KCNAB2: variants seen among roughly 807,000 people sequenced by gnomAD.
KCNAB2 encodes potassium voltage-gated channel subfamily A regulatory beta subunit 2.
Under a neutral mutation model 63.6 loss-of-function variants are expected in KCNAB2, and 29 were observed. The ratio of observed to expected loss-of-function variants is 0.46; its 90% CI spans 0.34 to 0.62. KCNAB2 has a LOEUF of 0.62. Among genes scored for constraint, KCNAB2 ranks in the 20% least tolerant of loss-of-function variants. The pLI, the probability that KCNAB2 is intolerant of heterozygous loss-of-function variation, is 0.01. For synonymous variants in KCNAB2, 222 were observed against 224.2 expected, an observed-to-expected ratio of 0.99 and a Z score of 0.09; for missense variants, 359 against 563.9, an observed-to-expected ratio of 0.64 and a Z score of 3.68.
intron 10 of KCNAB2, among the ~76,000 whole-genome samples, chr1:6,092,025 G>A (rs946203022): frequency 3.9e-5 from 6 of 152,322 alleles, no homozygotes; most frequent in Middle Eastern, 3.4e-3. Context: ...GGCAGGTGTC[G>A]ATCTCCCTGG....
chr1:6,091,204 G>T, intron 9 of KCNAB2, 59 bp from the exon 10 acceptor site: 1 of 1,281,196 alleles, frequency 7.8e-7, no homozygotes, highest in Non-Finnish European at 1.1e-6. Flanking sequence ...GTCGTGCCAC[G>T]CCTCTCAGTG....
intron 14 of KCNAB2, 28 bp from the exon 15 acceptor site, chr1:6,097,241 T>C (rs1171793317): frequency 6.6e-7 from 1 of 1,519,406 alleles, no homozygotes; most frequent in Admixed American, 2.0e-5. Context: ...TGGGTGTTTC[T>C]CCCTCACCTT....
intron 1 of KCNAB2, among the ~76,000 whole-genome samples, chr1:6,002,989 G>A (rs984565325): frequency 9.9e-5 from 15 of 151,408 alleles, no homozygotes; most frequent in African/African-American, 2.7e-4. Context: ...TCTGTGTCCC[G>A]GGTGAGAACA....
At chr1:6,025,914 CAGCCGA>C (rs1659133165) in intron 1 of KCNAB2, 3 of 151,916 alleles carry the variant, frequency 2.0e-5, no homozygotes, top group Non-Finnish European at 4.5e-5. Flanking sequence ...TCCCGGCACA[CAGCCGA>C]TCCCGGCACA....
rs977784162 is a variant in KCNAB2, at chr1:6,071,713, C to T, written c.219-1042C>T. Among the ~76,000 whole-genome samples the T allele has an allele frequency of 1.3e-5, 2 of 151,876 alleles. No individual in the cohort carries two copies. The highest frequency in any genetic ancestry group is 4.8e-5 in the African/African-American group (2 of 41,354). On this transcript the variant is annotated intron_variant, in intron 2 of 15. Coordinates refer to ENST00000378083, the MANE Select transcript of KCNAB2 (RefSeq NM_001199862.2). The surrounding 1 kb of genome is among the most constrained non-coding windows in gnomAD (Gnocchi z 8.5). ...GTAGGACTCCTGCCGCCGCATAGGG[C>T]TCTGCTGCGTAGGACTCCTGCGGCG...
rs191941797 is a variant in KCNAB2 at position 6,035,684 on chromosome 1, G to A, written c.-53+890G>A. On this transcript the variant is annotated intron_variant, in intron 1 of 15. Transcript: ENST00000164247. This position sits in a 1 kb window ranked among gnomAD's most constrained non-coding sequence, Gnocchi z 5.0. ...AGCTCAGTGTCTGACCCAGGAATCCGAGGCACACGTTCCCCACCCTCATAG... is the reference window on the plus strand; with the variant it reads ...AGCTCAGTGTCTGACCCAGGAATCCAAGGCACACGTTCCCCACCCTCATAG... Among the ~76,000 whole-genome samples, 65 of 152,028 alleles carry A rather than the reference G, an allele frequency of 4.3e-4. No individual in the cohort carries two copies. The highest frequency in any genetic ancestry group is 1.5e-3 in the African/African-American group (62 of 41,452).
At chr1:6,042,855 G>A (rs1178143844), upstream of KCNAB2, among the ~76,000 whole-genome samples, 1 of 3,700 alleles carries the variant, frequency 2.7e-4, no homozygotes, top group Non-Finnish European at 5.6e-4. Flanking sequence ...CCCCCCCCCC[G>A]TTTGCCAGCC....
Position 6,078,062 on chromosome 1 carries a change from C to T in KCNAB2, c.301-4133C>T, listed in dbSNP as rs558522950. On this transcript the variant is annotated intron_variant, in intron 4 of 15. Transcript: ENST00000378083. The surrounding 1 kb of genome is among the most constrained non-coding windows in gnomAD (Gnocchi z 4.2). ...TCCTTCTCCCGGCCAGGACCTTTCC[C>T]GGCCTAAGTCCAGGAGTCAGCCGGG... Among the ~76,000 whole-genome samples, 40 of 149,098 alleles carry T rather than the reference C, an allele frequency of 2.7e-4. No individual in the cohort carries two copies. Among genetic ancestry groups the T allele is most frequent in the South Asian group, 9.0e-4 (4 of 4,452 alleles).
At position 6,069,929 on chromosome 1, in the gene KCNAB2, T is replaced by C. The variant is rs2100642409; in HGVS notation, c.219-2826T>C. On this transcript the variant is annotated intron_variant, in intron 2 of 15. Transcript: ENST00000378083. This position sits in a 1 kb window ranked among gnomAD's most constrained non-coding sequence, Gnocchi z 5.4. The stretch of plus-strand genomic sequence containing the variant: ...GAGCCCACTCGGGGAAGTGGGCCCA[T>C]TTCCCAACACTCAGACCAGGAACAG... 6.6e-6 allele frequency among the ~76,000 whole-genome samples: 1 copy of C among 152,152 alleles called. No homozygotes were observed. The highest frequency in any genetic ancestry group is 2.1e-4 in the South Asian group (1 of 4,820).
intron 1 of KCNAB2, among the ~76,000 whole-genome samples, chr1:6,026,883 G>A (rs1044366977): frequency 6.6e-5 from 10 of 152,156 alleles, no homozygotes; most frequent in Admixed American, 2.6e-4. Context: ...GCTGTCTCTC[G>A]GGAGGCCCTG....
chr1:6,070,293 A>G (rs754120465), intron 2 of KCNAB2, among the ~76,000 whole-genome samples: 30 of 152,350 alleles, frequency 2.0e-4, no homozygotes, highest in Non-Finnish European at 3.5e-4. Context: ...CACTGATCAG[A>G]ACCTCCAGCC....
rs1657358909 is a variant in KCNAB2, at chr1:6,003,188, A to C, written c.-53+10400A>C. On this transcript the variant is annotated intron_variant, in intron 1 of 16. Transcript: ENST00000341524. This position sits in a 1 kb window ranked among gnomAD's most constrained non-coding sequence, Gnocchi z 4.1. ...AACCACATGGGGGCGAGGCCAGCGC[A>C]CAGCCCCAGCAGCCTGGCCCCTGCT... Among the ~76,000 whole-genome samples, 1 of 152,216 alleles carries C rather than the reference A, an allele frequency of 6.6e-6. No individual in the cohort carries two copies. Among genetic ancestry groups the C allele is most frequent in the South Asian group, 2.1e-4 (1 of 4,836 alleles).
upstream of KCNAB2, among the ~76,000 whole-genome samples, chr1:6,042,609 A>G (rs1660583808): frequency 6.6e-6 from 1 of 152,136 alleles, no homozygotes; most frequent in Non-Finnish European, 1.5e-5. Context: ...CCTGGAGCCC[A>G]TGGGCAGCAG....
In KCNAB2 at chr1:6,086,042, T is replaced by A. The variant is rs942803259; in HGVS notation, c.425+794T>A. On this transcript the variant is annotated intron_variant, in intron 6 of 15. Coordinates refer to ENST00000378083, the MANE Select transcript of KCNAB2 (RefSeq NM_001199862.2). This position sits in a 1 kb window ranked among gnomAD's most constrained non-coding sequence, Gnocchi z 4.2. ...GGTCCTCACCCACCTTGGGACCAAC[T>A]GGGCTGAGCACTTGCCTACATTTTG... 2 of 985,372 alleles carry A rather than the reference T, an allele frequency of 2.0e-6. No individual in the cohort carries two copies. The highest frequency in any genetic ancestry group is 4.7e-5 in the South Asian group (1 of 21,294). 61.0% of individuals were successfully genotyped at this position (985,372 alleles called of 1,614,324 possible).
At position 6,099,789 on chromosome 1, in the gene KCNAB2, C is replaced by A; in HGVS notation, c.*1215C>A. On this transcript the variant is annotated 3_prime_UTR_variant, in exon 16 of 16. Coordinates refer to ENST00000378083, the MANE Select transcript of KCNAB2 (RefSeq NM_001199862.2). ...TGGAAAGACGGGCAGGGCTGGTTAG[C>A]CCCTCCCACTGCCTGACACCTGGGA... The A allele has an allele frequency of 6.7e-7, 1 of 1,497,998 alleles. No homozygotes were observed. Among genetic ancestry groups the A allele is most frequent in the Non-Finnish European group, 8.9e-7 (1 of 1,121,466 alleles). The allele number at this position is 1,497,998 out of a possible 1,614,324, so 92.8% of individuals were successfully genotyped here. A position where few individuals can be genotyped will look rare whatever the true frequency, so the allele number is the denominator to read the frequency against.
At chr1:6,010,743 G>A (rs1003333347) in intron 1 of KCNAB2, among the ~76,000 whole-genome samples, 7 of 152,254 alleles carry the variant, frequency 4.6e-5, no homozygotes, top group Non-Finnish European at 1.0e-4. Context: ...CTTAGCTGAT[G>A]GGCAGGCTGG....
intron 1 of KCNAB2, among the ~76,000 whole-genome samples, chr1:6,047,108 G>A (rs1411149434): frequency 6.6e-6 from 1 of 152,196 alleles, no homozygotes; most frequent in Non-Finnish European, 1.5e-5. Context: ...TTGGTACCAG[G>A]GTGGTGAGGG....
At chr1:6,047,360 CAG>C (rs1270153097) in intron 1 of KCNAB2, among the ~76,000 whole-genome samples, 1 of 152,148 alleles carries the variant, frequency 6.6e-6, no homozygotes, top group African/African-American at 2.4e-5. Context: ...TGAGGGAGTC[CAG>C]AGGTGTCCTC....
chr1:6,090,706 T>G (rs1665118303), intron 9 of KCNAB2, among the ~76,000 whole-genome samples: 1 of 152,004 alleles, frequency 6.6e-6, no homozygotes, highest in Non-Finnish European at 1.5e-5. Flanking sequence ...CCAGGCTGAG[T>G]CCCTGTCCTG....
Sources: gnomAD v4.1 joint callset for allele counts (sites outside exome capture counted in the v4.1 genomes callset) on GRCh38, gnomAD v4.1.1 for gene constraint, Gnocchi (gnomAD v3.1) non-coding constraint, MANE v1.5 for transcripts, NCBI Gene and HGNC (gene_info 2026-07-23, HGNC 2026-07-21) for gene names.